SOX6: variants seen among roughly 807,000 people sequenced by gnomAD.
SOX6 encodes the protein transcription factor SOX-6.
A neutral mutation model predicts 97.8 loss-of-function variants in SOX6; 11 were observed. The observed-to-expected ratio is 0.11, with a 90% CI of 0.07 to 0.19. The LOEUF (loss-of-function observed/expected upper bound fraction) is 0.19. SOX6 is among the 10% of genes least tolerant of loss of function. The pLI is 1.00. For missense variants in SOX6, 810 were observed against 1,039.5 expected (o/e 0.78, Z 3.04); for synonymous variants, 360 against 371.4 (o/e 0.97, Z 0.35).
chr11:16,705,321 T>A (rs969534216), intron 3 of SOX6, among the ~76,000 whole-genome samples: 2 of 151,552 alleles, frequency 1.3e-5, no homozygotes, highest in Admixed American at 1.3e-4. Flanking sequence ...TCTGCTTATA[T>A]GCATAAAGAA....
intron 15 of SOX6, among the ~76,000 whole-genome samples, chr11:15,985,542 CT>C (rs1853806904): frequency 6.6e-6 from 1 of 152,288 alleles, no homozygotes; most frequent in South Asian, 2.1e-4. Context: ...TGAGGGGCCT[CT>C]TTTGAATGCA....
rs375314813 is a variant in SOX6 at position 16,720,599 on chromosome 11, C to T, written n.354-5694G>A. Among the ~76,000 whole-genome samples, 215 of 136,052 alleles carry T rather than the reference C, an allele frequency of 1.6e-3. 1 individual carries two copies. The highest frequency in any genetic ancestry group is 5.7e-3 in the African/African-American group (207 of 36,624). 89.3% of individuals were successfully genotyped at this position (136,052 alleles called of 152,430 possible). On this transcript the variant is annotated intron_variant and non_coding_transcript_variant, in intron 2 of 5. Coordinates refer to the SOX6 transcript ENST00000524520. ...AGGAGATATACCTAATGCTAAATGA[C>T]GAGTTAATGGGTGCAGCACACCAGC... is the stretch of plus-strand genomic sequence containing the variant.
intron 4 of SOX6, among the ~76,000 whole-genome samples, chr11:16,544,875 C>G (rs1374275501): frequency 6.6e-6 from 1 of 151,720 alleles, no homozygotes. Flanking sequence ...TTGAAAAATG[C>G]AGAGGAAAAC....
chr11:16,450,712 CTT>C (rs1241329409), intron 1 of SOX6, among the ~76,000 whole-genome samples: 1 of 152,162 alleles, frequency 6.6e-6, no homozygotes, highest in Non-Finnish European at 1.5e-5. Flanking sequence ...ATCATAAGAA[CTT>C]ATCATAAAGT....
chr11:16,224,342 T>C (rs1266108816), intron 4 of SOX6, among the ~76,000 whole-genome samples: 1 of 152,074 alleles, frequency 6.6e-6, no homozygotes, highest in Non-Finnish European at 1.5e-5. Flanking sequence ...TTCTTTTACA[T>C]AAACATTGAT....
chr11:16,010,056 T>C (rs1184873381), intron 13 of SOX6, among the ~76,000 whole-genome samples: 1 of 150,188 alleles, frequency 6.7e-6, no homozygotes, highest in African/African-American at 2.5e-5. Flanking sequence ...GCTATTTGTC[T>C]TAAACAAAGA....
chr11:16,053,436 C>T (rs1847732749), intron 10 of SOX6, among the ~76,000 whole-genome samples: 1 of 152,094 alleles, frequency 6.6e-6, no homozygotes, highest in Non-Finnish European at 1.5e-5. Flanking sequence ...AACCACCACA[C>T]CATCTTCTTT....
intron 6 of SOX6, among the ~76,000 whole-genome samples, chr11:16,173,561 TG>T (rs1310110255): frequency 3.3e-5 from 5 of 150,466 alleles, no homozygotes; most frequent in Non-Finnish European, 7.4e-5. Flanking sequence ...TTTCTTGCTT[TG>T]GGTTTTTAGT....
At chr11:16,280,614 A>G (rs1264594672) in intron 3 of SOX6, among the ~76,000 whole-genome samples, 7 of 152,026 alleles carry the variant, frequency 4.6e-5, no homozygotes, top group African/African-American at 1.7e-4. Context: ...ACATTTTCCA[A>G]ACAAAACAAT....
chr11:16,142,114 C>T (rs895277819), intron 6 of SOX6, among the ~76,000 whole-genome samples: 1 of 152,124 alleles, frequency 6.6e-6, no homozygotes, highest in Non-Finnish European at 1.5e-5. Context: ...GTAGGGGCAG[C>T]CTGACACCTC....
chr11:16,120,589 C>T (rs1019233365), intron 6 of SOX6, among the ~76,000 whole-genome samples: 2 of 149,596 alleles, frequency 1.3e-5, no homozygotes, highest in Admixed American at 6.7e-5. Flanking sequence ...TATACACACA[C>T]TTTTCTGCAT....
At chr11:16,601,529 G>C (rs1848269578) in intron 4 of SOX6, among the ~76,000 whole-genome samples, 1 of 152,120 alleles carries the variant, frequency 6.6e-6, no homozygotes, top group Non-Finnish European at 1.5e-5. Flanking sequence ...ATGTATGTAT[G>C]AATTCTCTCA....
chr11:16,426,731 G>A (rs897674555), intron 1 of SOX6, among the ~76,000 whole-genome samples: 1 of 151,390 alleles, frequency 6.6e-6, no homozygotes, highest in Non-Finnish European at 1.5e-5. Flanking sequence ...CGGCTAAAAC[G>A]GTGAAACCCC....
chr11:16,017,519 GT>G (rs1298286237), intron 12 of SOX6, among the ~76,000 whole-genome samples: 3 of 151,996 alleles, frequency 2.0e-5, no homozygotes, highest in Non-Finnish European at 4.4e-5. Context: ...AGAAGATTTC[GT>G]TCTTTTCTTC....
chr11:16,441,776 T>A (rs1300808578), intron 1 of SOX6, among the ~76,000 whole-genome samples: 1 of 152,176 alleles, frequency 6.6e-6, no homozygotes, highest in East Asian at 1.9e-4. Context: ...AGATTTAATC[T>A]CCACATAGTC....
intron 1 of SOX6, among the ~76,000 whole-genome samples, chr11:16,446,392 C>T (rs1019033300): frequency 2.0e-5 from 3 of 152,080 alleles, no homozygotes; most frequent in Admixed American, 6.5e-5. Flanking sequence ...AAGCCAACTG[C>T]ACCCGTTATT....
intron 3 of SOX6, among the ~76,000 whole-genome samples, chr11:16,243,748 T>A (rs1371040384): frequency 6.6e-6 from 1 of 152,126 alleles, no homozygotes; most frequent in Admixed American, 6.6e-5. Flanking sequence ...TTCTTGAATT[T>A]CATAAAAATG....
At chr11:16,288,371 T>G (rs1264557695) in intron 3 of SOX6, among the ~76,000 whole-genome samples, 2 of 152,074 alleles carry the variant, frequency 1.3e-5, no homozygotes, top group Non-Finnish European at 2.9e-5. Flanking sequence ...ATATGCTTTA[T>G]AGTCTCATTT....
chr11:16,083,540 T>C (rs1176567066), intron 9 of SOX6, among the ~76,000 whole-genome samples: 2 of 152,190 alleles, frequency 1.3e-5, no homozygotes, highest in Non-Finnish European at 2.9e-5. Context: ...TTAGAATAGG[T>C]AGGAGCATGA....
Sources: gnomAD v4.1 joint callset for allele counts (sites outside exome capture counted in the v4.1 genomes callset) on GRCh38, gnomAD v4.1.1 for gene constraint, MANE v1.5 for transcripts, NCBI Gene and HGNC (gene_info 2026-07-23, HGNC 2026-07-21) for gene names.